CD40: variants seen among roughly 807,000 people sequenced by gnomAD.
The protein encoded by CD40 is CD40 molecule.
CD40 carries 19 observed loss-of-function variants against 38.5 expected under a neutral mutation model. The ratio of observed to expected loss-of-function variants is 0.49; its 90% confidence interval spans 0.34 to 0.72. CD40 has a LOEUF of 0.72. CD40 is among the 30% of genes least tolerant of loss of function. The pLI, the probability that CD40 is intolerant of heterozygous loss-of-function variation, is 0.01. For missense variants in CD40, 256 were observed against 344.1 expected (o/e 0.74, Z 2.03); for synonymous variants, 130 against 128.7 (o/e 1.01, Z -0.07).
At position 46,121,821 on chromosome 20, in the gene CD40, T is replaced by A. The variant is rs2085324142; in HGVS notation, c.53T>A (p.Val18Asp). ...CVLWGCLLTAVHPEPPTACRE... is the reference protein window; with the variant it reads ...CVLWGCLLTADHPEPPTACRE... ...CAAATTGCACAATTCTGTTTTTAGG[T>A]CCATCCAGAACCACCCACTGCATGC... Residue 18 changes from valine (V) to aspartate (D), a missense_variant and splice_region_variant, in exon 2 of 9, where the codon GTC (valine) becomes GAC (aspartate). By Grantham distance (152) the Val-to-Asp change is radical. Transcript: ENST00000372285. 6.2e-7 allele frequency: 1 copy of A among 1,612,492 alleles called. No individual in the cohort carries two copies. The highest frequency in any genetic ancestry group is 1.7e-5 in the Admixed American group (1 of 59,988).
intron 1 of CD40, among the ~76,000 whole-genome samples, chr20:46,119,911 T>C (rs11569309): frequency 0.14 from 20,934 of 152,098 alleles, 1,714 homozygotes; most frequent in Non-Finnish European, 0.19. Flanking sequence ...GAACTGGAGA[T>C]TGACAGACTT....
rs570025940 is a variant in CD40, at chr20:46,129,304, G to T, written c.*264G>T. 4.1e-6 allele frequency: 2 copies of T among 491,668 alleles called. No individual in the cohort carries two copies. The highest frequency in any genetic ancestry group is 4.0e-5 in the South Asian group (2 of 50,208). 30.5% of individuals were successfully genotyped at this position (491,668 alleles called of 1,614,324 possible). On this transcript the variant is annotated 3_prime_UTR_variant, in exon 9 of 9. Transcript: ENST00000372285. ...AAGACAGAGGCAGAAGTTTGGTGGT[G>T]GTGGTGTTGGGGTATGGTTTAGTAA...
At chr20:46,125,546 CAAAAAA>C (rs60475326) in intron 5 of CD40, among the ~76,000 whole-genome samples, 28 of 69,436 alleles carry the variant, frequency 4.0e-4, no homozygotes, top group East Asian at 3.4e-3. Context: ...GACTCTGTCT[CAAAAAA>C]AAAAAAAAAA....
chr20:46,122,234 A>G lies in CD40; in HGVS notation c.132A>G (p.Gly44=), dbSNP rs1323500867. The part of the protein sequence containing the change: ...NSQCCSLCQP[G]QKLVSDCTEF... ...CCCTCATTTCCTGATGTTTTCCAGG[A>G]CAGAAACTGGTGAGTGACTGCACAG... The change falls in exon 3 of 9, where the codon GGA becomes GGG. Residue 44 remains glycine, a splice_region_variant and synonymous_variant. Coordinates refer to ENST00000372285, the MANE Select transcript of CD40 (RefSeq NM_001250.6). This position sits in a 1 kb window ranked among gnomAD's most constrained non-coding sequence, Gnocchi z 5.0. The G allele has an allele frequency of 3.1e-6, 5 of 1,614,050 alleles. No individual in the cohort carries two copies. The highest frequency in any genetic ancestry group is 4.2e-6 in the Non-Finnish European group (5 of 1,180,044).
chr20:46,118,329 T>C lies in CD40; in HGVS notation c.-15T>C. ...TCGGGCGCCCAGTGGTCCTGCCGCCTGGTCTCACCTCGCTATGGTTCGTCT... is the reference window on the plus strand; with the variant it reads ...TCGGGCGCCCAGTGGTCCTGCCGCCCGGTCTCACCTCGCTATGGTTCGTCT... On this transcript the variant is annotated 5_prime_UTR_variant, in exon 1 of 9. Coordinates refer to ENST00000372285, the MANE Select transcript of CD40 (RefSeq NM_001250.6). 1.2e-6 allele frequency: 2 copies of C among 1,613,378 alleles called. No individual in the cohort carries two copies. Among genetic ancestry groups the C allele is most frequent in the Non-Finnish European group, 1.7e-6 (2 of 1,179,764 alleles).
At chr20:46,128,091 G>C in intron 6 of CD40, 47 bp from the exon 7 acceptor site, 7 of 1,614,088 alleles carry the variant, frequency 4.3e-6, no homozygotes, top group Non-Finnish European at 5.9e-6. Context: ...TGAGGGTAGG[G>C]AGAAACTGCA....
chr20:46,123,998 A>T (rs1418301996), intron 5 of CD40, among the ~76,000 whole-genome samples: 1 of 152,146 alleles, frequency 6.6e-6, no homozygotes, highest in Non-Finnish European at 1.5e-5. Flanking sequence ...TGCCTGGAAT[A>T]CCTTAAACAT....
At chr20:46,124,026 C>T (rs559230267) in intron 5 of CD40, among the ~76,000 whole-genome samples, 33 of 152,318 alleles carry the variant, frequency 2.2e-4, no homozygotes, top group South Asian at 8.3e-4. Flanking sequence ...AGGCCAGGCG[C>T]GGTGGCTCTT....
intron 4 of CD40, 87 bp from the exon 5 acceptor site, chr20:46,123,039 C>A: frequency 9.3e-7 from 1 of 1,074,864 alleles, no homozygotes; most frequent in Non-Finnish European, 1.5e-6. Flanking sequence ...AGGAGCTCTT[C>A]CCGTCCTGCC....
chr20:46,122,926 C>T lies in CD40; in HGVS notation c.403+170C>T, dbSNP rs2085348511. 15 of 955,838 alleles carry T rather than the reference C, an allele frequency of 1.6e-5. No individual in the cohort carries two copies. The East Asian group carries it at 3.9e-4, about 25-fold the overall frequency. The allele number at this position is 955,838 out of a possible 1,614,324, so 59.2% of individuals were successfully genotyped here. On this transcript the variant is annotated intron_variant, in intron 4 of 8. Transcript: ENST00000372285. This position sits in a 1 kb window ranked among gnomAD's most constrained non-coding sequence, Gnocchi z 5.0. Reference sequence around the variant, plus strand: ...TGCAGACGGGACCTTGTTCATTCTGCCTTCTGCCATGGGGATCTGCCTTTG... The same window carrying T: ...TGCAGACGGGACCTTGTTCATTCTGTCTTCTGCCATGGGGATCTGCCTTTG...
intron 6 of CD40, 81 bp from the exon 7 acceptor site, chr20:46,128,057 G>C: frequency 6.2e-7 from 1 of 1,612,418 alleles, no homozygotes; most frequent in Non-Finnish European, 8.5e-7. Context: ...GGAAGATTCT[G>C]GAGTCTGACA....
At chr20:46,127,032 C>A in intron 6 of CD40, 1 of 401,602 alleles carries the variant, frequency 2.5e-6, no homozygotes, top group Admixed American at 3.6e-5. Flanking sequence ...TTACCTAACG[C>A]TAAATGACCA....
rs1164469651 is a variant in CD40 at position 46,122,074 on chromosome 20, T to G, written c.131-159T>G. ...AGGTAAAACTCTGTCTACCCTGAACTAGGGATCCCAGCTTCTCCATCTTCC... is the reference window on the plus strand; with the variant it reads ...AGGTAAAACTCTGTCTACCCTGAACGAGGGATCCCAGCTTCTCCATCTTCC... On this transcript the variant is annotated intron_variant, in intron 2 of 8. Coordinates refer to ENST00000372285, the MANE Select transcript of CD40 (RefSeq NM_001250.6). This position sits in a 1 kb window ranked among gnomAD's most constrained non-coding sequence, Gnocchi z 5.0. Among the ~76,000 whole-genome samples, 1 of 152,178 alleles carries G rather than the reference T, an allele frequency of 6.6e-6. No individual in the cohort carries two copies. Among genetic ancestry groups the G allele is most frequent in the Non-Finnish European group, 1.5e-5 (1 of 68,030 alleles).
chr20:46,124,918 C>G (rs1195859354), intron 5 of CD40, among the ~76,000 whole-genome samples: 1 of 151,674 alleles, frequency 6.6e-6, no homozygotes, highest in African/African-American at 2.4e-5. Flanking sequence ...AGGCGCCCGC[C>G]ACCACACCCG....
intron 1 of CD40, chr20:46,121,584 G>A (rs750588012): frequency 1.8e-6 from 1 of 564,134 alleles, no homozygotes; most frequent in Non-Finnish European, 3.2e-6. Flanking sequence ...AATATTGTGA[G>A]TTTACAGTAC....
At chr20:46,127,785 G>C (rs2085466183) in intron 6 of CD40, among the ~76,000 whole-genome samples, 1 of 152,148 alleles carries the variant, frequency 6.6e-6, no homozygotes, top group African/African-American at 2.4e-5. Context: ...CGGGGAGCAT[G>C]GTGAGCAGGT....
At chr20:46,126,578 G>A in intron 5 of CD40, 62 bp from the exon 6 acceptor site, 1 of 1,606,768 alleles carries the variant, frequency 6.2e-7, no homozygotes, top group Non-Finnish European at 8.5e-7. Flanking sequence ...CTTATGCTTG[G>A]GGAAACTTAA....
intron 8 of CD40, 148 bp downstream of exon 8, chr20:46,128,506 C>A: frequency 1.2e-6 from 1 of 857,636 alleles, no homozygotes; most frequent in Non-Finnish European, 1.9e-6. Context: ...TCCCCACCCA[C>A]CATGCTCCTT....
At position 46,122,414 on chromosome 20, in the gene CD40, T is replaced by C; in HGVS notation, c.256+56T>C. 2 of 1,612,012 alleles carry C rather than the reference T, an allele frequency of 1.2e-6. No individual in the cohort carries two copies. The highest frequency in any genetic ancestry group is 1.7e-6 in the Non-Finnish European group (2 of 1,178,724). ...GGAACCGGGCTGATATTCCCGACAATGCAGCCATTCTAATTTTATGTAGCC... is the reference window on the plus strand; with the variant it reads ...GGAACCGGGCTGATATTCCCGACAACGCAGCCATTCTAATTTTATGTAGCC... On this transcript the variant is annotated intron_variant, in intron 3 of 8. Coordinates refer to ENST00000372285, the MANE Select transcript of CD40 (RefSeq NM_001250.6). This position sits in a 1 kb window ranked among gnomAD's most constrained non-coding sequence, Gnocchi z 5.0.
Sources: gnomAD v4.1 joint callset for allele counts (sites outside exome capture counted in the v4.1 genomes callset) on GRCh38, gnomAD v4.1.1 for gene constraint, Gnocchi (gnomAD v3.1) non-coding constraint, MANE v1.5 for transcripts, NCBI Gene and HGNC (gene_info 2026-07-23, HGNC 2026-07-21) for gene names.